Variants in PDZD8 observed in about 807,000 individuals in gnomAD.
The protein encoded by PDZD8 is PDZ domain-containing protein 8.
Under a neutral mutation model 85.8 loss-of-function variants are expected in PDZD8, and 14 were observed. That is an observed-to-expected ratio of 0.16 (90% CI 0.11 to 0.26). The LOEUF (loss-of-function observed/expected upper bound fraction) is 0.26, where lower values mean the gene tolerates loss of function less well. Among genes scored for constraint, PDZD8 ranks in the 10% least tolerant of loss-of-function variants. PDZD8 has a pLI of 1.00. For synonymous variants in PDZD8, 592 were observed against 568.6 expected, an observed-to-expected ratio of 1.04 and a Z score of -0.59; for missense variants, 1,197 against 1,424.3, an observed-to-expected ratio of 0.84 and a Z score of 2.57.
rs1037364508 is a variant in PDZD8 at position 117,315,400 on chromosome 10, GC to G, written c.1098+3471del. Among the ~76,000 whole-genome samples the G allele has an allele frequency of 2.2e-4, 33 of 151,942 alleles. 1 individual carries two copies. Among genetic ancestry groups the G allele is most frequent in the African/African-American group, 8.0e-4 (33 of 41,358 alleles). ...ACCTGAGACCAGGAGTTCGAGACCA[GC>G]CTGGCCAACATGGTGAAACCCTGTC... On this transcript the variant is annotated intron_variant, in intron 3 of 4. Transcript: ENST00000334464.
intron 2 of PDZD8, among the ~76,000 whole-genome samples, chr10:117,325,239 C>A (rs1010040874): frequency 2.0e-5 from 3 of 151,904 alleles, no homozygotes; most frequent in African/African-American, 7.3e-5. Flanking sequence ...GCCCAGGAAA[C>A]TCAGGATATT....
rs140074057 is a variant in PDZD8, at chr10:117,287,742, A to G, written c.1262-2271T>C. 9.9e-5 allele frequency among the ~76,000 whole-genome samples: 15 copies of G among 152,240 alleles called. 1 individual carries two copies. In the East Asian group the frequency reaches 2.9e-3, roughly 29 times the overall value. ...GCAATCTCTCACTCAGACCTTCCCT[A>G]CTTTAAACACCAAACATATTGCTAC... On this transcript the variant is annotated intron_variant, in intron 4 of 4. Transcript: ENST00000334464.
intron 1 of PDZD8, among the ~76,000 whole-genome samples, chr10:117,373,139 T>C (rs1343194181): frequency 6.6e-6 from 1 of 152,168 alleles, no homozygotes; most frequent in African/African-American, 2.4e-5. Context: ...ACTCCACCTC[T>C]AGCCCTAAAA....
intron 2 of PDZD8, among the ~76,000 whole-genome samples, chr10:117,322,291 A>C (rs1357115862): frequency 6.6e-6 from 1 of 152,146 alleles, no homozygotes; most frequent in African/African-American, 2.4e-5. Flanking sequence ...ATGACCCATG[A>C]CCCAGAGACC....
At chr10:117,301,054 T>G (rs1243172658) in intron 3 of PDZD8, among the ~76,000 whole-genome samples, 1 of 152,154 alleles carries the variant, frequency 6.6e-6, no homozygotes, top group Non-Finnish European at 1.5e-5. Context: ...AGTGGCATGA[T>G]CTTGGCTCAC....
chr10:117,288,917 A>G (rs1456349774), intron 4 of PDZD8, among the ~76,000 whole-genome samples: 2 of 152,194 alleles, frequency 1.3e-5, no homozygotes, highest in Non-Finnish European at 2.9e-5. Context: ...GATAATAGGT[A>G]TTTACTACTT....
chr10:117,353,920 G>A (rs916431322), intron 1 of PDZD8, among the ~76,000 whole-genome samples: 1 of 152,156 alleles, frequency 6.6e-6, no homozygotes, highest in Non-Finnish European at 1.5e-5. Context: ...ATCACTTGCT[G>A]TCACTGCTTT....
At chr10:117,330,265 T>A (rs1844399560) in intron 2 of PDZD8, among the ~76,000 whole-genome samples, 1 of 151,986 alleles carries the variant, frequency 6.6e-6, no homozygotes, top group African/African-American at 2.4e-5. Context: ...GACTTCCAAA[T>A]CTAATCTTCA....
rs772874832 is a variant in PDZD8, at chr10:117,283,219, T to C, written c.*49A>G. On this transcript the variant is annotated 3_prime_UTR_variant, in exon 5 of 5. Coordinates refer to ENST00000334464, the MANE Select transcript of PDZD8 (RefSeq NM_173791.5). ...AAACATGGTTGTATCTGTGGTACTTTAGATGCAACTTTACCCTGTTCATTT... is the reference window on the plus strand; with the variant it reads ...AAACATGGTTGTATCTGTGGTACTTCAGATGCAACTTTACCCTGTTCATTT... The C allele has an allele frequency of 1.9e-5, 29 of 1,510,792 alleles. No homozygotes were observed. Among genetic ancestry groups the C allele is most frequent in the Non-Finnish European group, 2.2e-5 (25 of 1,121,014 alleles). 93.6% of individuals were successfully genotyped at this position (1,510,792 alleles called of 1,614,324 possible). A position where few individuals can be genotyped will look rare whatever the true frequency, so the allele number is the denominator to read the frequency against.
Position 117,282,657 on chromosome 10 carries a change from A to G in PDZD8, c.*611T>C, listed in dbSNP as rs1401667059. 1 of 152,166 alleles carries G rather than the reference A, an allele frequency of 6.6e-6. No individual in the cohort carries two copies. The highest frequency in any genetic ancestry group is 1.5e-5 in the Non-Finnish European group (1 of 68,022). The allele number at this position is 152,166 out of a possible 1,614,324, so 9.4% of individuals were successfully genotyped here. On this transcript the variant is annotated 3_prime_UTR_variant, in exon 5 of 5. Coordinates refer to ENST00000334464, the MANE Select transcript of PDZD8 (RefSeq NM_173791.5). ...CAATATATGTAAAAAATTTTTTTTT[A>G]CTAAATCAGCATAACAGACTAAAGC...
At chr10:117,287,765 T>C (rs535253418) in intron 4 of PDZD8, among the ~76,000 whole-genome samples, 59 of 152,308 alleles carry the variant, frequency 3.9e-4, no homozygotes, top group African/African-American at 1.4e-3. Context: ...AACATATTGC[T>C]ACGAAATTTT....
intron 1 of PDZD8, among the ~76,000 whole-genome samples, chr10:117,344,874 G>A (rs1844678572): frequency 6.6e-6 from 1 of 152,158 alleles, no homozygotes; most frequent in Non-Finnish European, 1.5e-5. Context: ...CCCCACTCAT[G>A]GAATGGAGGG....
In PDZD8 at chr10:117,374,508, G is replaced by A. The variant is rs1263855557; in HGVS notation, c.720C>T (p.His240=). The change falls in exon 1 of 5, where the codon CAC becomes CAT. Residue 240 remains histidine, a synonymous_variant. Coordinates refer to ENST00000334464, the MANE Select transcript of PDZD8 (RefSeq NM_173791.5). This position sits in a 1 kb window ranked among gnomAD's most constrained non-coding sequence, Gnocchi z 7.8. ...RLVFTRVPFT[H]WFFSFVEDPL... ...GGTCTTCCACGAAGGAGAAGAACCA[G>A]TGGGTGAAGGGCACGCGCGTAAAGA... 1.2e-6 allele frequency: 2 copies of A among 1,613,132 alleles called. No individual in the cohort carries two copies. The highest frequency in any genetic ancestry group is 1.7e-6 in the Non-Finnish European group (2 of 1,179,570).
chr10:117,307,356 A>C (rs1162986664), intron 3 of PDZD8, among the ~76,000 whole-genome samples: 1 of 152,064 alleles, frequency 6.6e-6, no homozygotes, highest in Non-Finnish European at 1.5e-5. Flanking sequence ...AAATGAGTGT[A>C]TCATCACAAA....
intron 1 of PDZD8, among the ~76,000 whole-genome samples, chr10:117,372,864 G>T (rs935175840): frequency 7.9e-5 from 12 of 152,134 alleles, no homozygotes; most frequent in African/African-American, 2.9e-4. Flanking sequence ...GCCACATACA[G>T]AAGTCAATAA....
chr10:117,309,075 A>G (rs1361708720), intron 3 of PDZD8, among the ~76,000 whole-genome samples: 1 of 152,148 alleles, frequency 6.6e-6, no homozygotes, highest in Non-Finnish European at 1.5e-5. Flanking sequence ...GTGGATTTTT[A>G]TAGGAAGGTG....
At chr10:117,312,675 C>T (rs1429492251) in intron 3 of PDZD8, among the ~76,000 whole-genome samples, 1 of 152,106 alleles carries the variant, frequency 6.6e-6, no homozygotes, top group Non-Finnish European at 1.5e-5. Context: ...AGTAAGGTTG[C>T]TGACTATCCT....
chr10:117,372,898 C>T (rs1845218412), intron 1 of PDZD8, among the ~76,000 whole-genome samples: 2 of 152,138 alleles, frequency 1.3e-5, no homozygotes, highest in Non-Finnish European at 2.9e-5. Flanking sequence ...CAAAATATTT[C>T]TGGATTATCT....
chr10:117,289,252 G>A (rs904785067), intron 4 of PDZD8, among the ~76,000 whole-genome samples: 3 of 152,194 alleles, frequency 2.0e-5, no homozygotes, highest in African/African-American at 7.2e-5. Flanking sequence ...TCCCAGATAT[G>A]CAACTAAATA....
Sources: gnomAD v4.1 joint callset for allele counts (sites outside exome capture counted in the v4.1 genomes callset) on GRCh38, gnomAD v4.1.1 for gene constraint, Gnocchi (gnomAD v3.1) non-coding constraint, MANE v1.5 for transcripts, NCBI Gene and HGNC (gene_info 2026-07-23, HGNC 2026-07-21) for gene names.